Variants in BICC1 observed in about 807,000 individuals in gnomAD.
BICC1 encodes BicC family RNA binding protein 1, also known as protein bicaudal C homolog 1.
In BICC1, 43 loss-of-function variants were observed where a neutral mutation model predicts 111.0. The ratio of observed to expected loss-of-function variants is 0.39; its 90% CI spans 0.30 to 0.50. The LOEUF is 0.50. BICC1 is among the 20% of genes least tolerant of loss of function. BICC1 has a pLI of 0.88. For synonymous variants in BICC1, 467 were observed against 434.4 expected (o/e 1.07, Z -0.93); for missense variants, 1,091 against 1,203.2 (o/e 0.91, Z 1.38).
At chr10:58,567,731 A>G (rs1050659974) in intron 1 of BICC1, among the ~76,000 whole-genome samples, 11 of 152,070 alleles carry the variant, frequency 7.2e-5, no homozygotes, top group Non-Finnish European at 1.5e-4. Context: ...TTAAATACTT[A>G]TAGTTAATAG....
chr10:58,539,214 G>T (rs1348190556), intron 1 of BICC1, among the ~76,000 whole-genome samples: 1 of 151,746 alleles, frequency 6.6e-6, no homozygotes, highest in Non-Finnish European at 1.5e-5. Flanking sequence ...CCATAAAAAA[G>T]AATGAAATAA....
chr10:58,576,304 AATG>A (rs1844110143), intron 1 of BICC1, among the ~76,000 whole-genome samples: 2 of 152,218 alleles, frequency 1.3e-5, no homozygotes. Context: ...TAGTGAGAAA[AATG>A]ATAATTACTA....
chr10:58,584,717 G>A (rs895093012), intron 1 of BICC1, among the ~76,000 whole-genome samples: 3 of 151,636 alleles, frequency 2.0e-5, no homozygotes, highest in South Asian at 2.1e-4. Flanking sequence ...CAAAGACATG[G>A]GACTTTTAAT....
intron 9 of BICC1, among the ~76,000 whole-genome samples, chr10:58,794,053 AT>A (rs1843268387): frequency 6.6e-6 from 1 of 152,226 alleles, no homozygotes; most frequent in Admixed American, 6.5e-5. Context: ...TAGAGTAACC[AT>A]TATTTTTCCA....
At chr10:58,527,944 A>G (rs777534768) in intron 1 of BICC1, among the ~76,000 whole-genome samples, 2 of 151,920 alleles carry the variant, frequency 1.3e-5, no homozygotes, top group African/African-American at 2.4e-5. Context: ...CAGAATAATA[A>G]TATGTCTCAT....
intron 9 of BICC1, among the ~76,000 whole-genome samples, chr10:58,795,183 T>C (rs1311296402): frequency 6.6e-6 from 1 of 152,158 alleles, no homozygotes; most frequent in Non-Finnish European, 1.5e-5. Context: ...AAATCTTATA[T>C]GCATAGAATG....
At chr10:58,791,753 A>G (rs1425779790) in intron 8 of BICC1, among the ~76,000 whole-genome samples, 2 of 152,082 alleles carry the variant, frequency 1.3e-5, no homozygotes, top group East Asian at 1.9e-4. Context: ...AAAAAAATCA[A>G]TTTCTTCCAC....
chr10:58,749,505 G>A (rs576314124), intron 3 of BICC1, among the ~76,000 whole-genome samples: 1 of 152,152 alleles, frequency 6.6e-6, no homozygotes, highest in East Asian at 1.9e-4. Context: ...ATAAATAAAA[G>A]TTATCCACAT....
At chr10:58,703,667 G>C (rs1455905493) in intron 3 of BICC1, among the ~76,000 whole-genome samples, 1 of 152,188 alleles carries the variant, frequency 6.6e-6, no homozygotes, top group Non-Finnish European at 1.5e-5. Flanking sequence ...TTATGCAGAA[G>C]AAGAAACTGC....
chr10:58,616,587 C>CACCAACAT (rs1185923303), intron 1 of BICC1, among the ~76,000 whole-genome samples: 3 of 152,244 alleles, frequency 2.0e-5, no homozygotes, highest in Admixed American at 1.3e-4. Flanking sequence ...GTTGACAGTC[C>CACCAACAT]ATTGTTACCC....
chr10:58,582,814 G>A (rs1237042036), intron 1 of BICC1, among the ~76,000 whole-genome samples: 1 of 152,136 alleles, frequency 6.6e-6, no homozygotes, highest in Non-Finnish European at 1.5e-5. Flanking sequence ...TGATTCTTCT[G>A]CCTTTCTCTT....
chr10:58,702,356 A>G (rs1016421295), intron 3 of BICC1, among the ~76,000 whole-genome samples: 1 of 152,236 alleles, frequency 6.6e-6, no homozygotes, highest in Admixed American at 6.5e-5. Context: ...TATGATAGAA[A>G]TGTAATTATG....
intron 2 of BICC1, among the ~76,000 whole-genome samples, chr10:58,690,468 AGCCTCTTGTTGACC>A (rs1426930914): frequency 2.6e-5 from 4 of 152,198 alleles, no homozygotes; most frequent in Non-Finnish European, 5.9e-5. Context: ...TGTGGAGCTG[AGCCTCTTGTTGACC>A]CTTGTAGGCC....
chr10:58,687,807 C>T (rs192810729), intron 2 of BICC1, among the ~76,000 whole-genome samples: 17 of 152,310 alleles, frequency 1.1e-4, no homozygotes, highest in African/African-American at 3.8e-4. Flanking sequence ...TTCCCTGATC[C>T]TTTGTGCTTC....
intron 3 of BICC1, among the ~76,000 whole-genome samples, chr10:58,718,685 T>C (rs980700566): frequency 3.9e-5 from 6 of 152,186 alleles, no homozygotes; most frequent in East Asian, 3.9e-4. Flanking sequence ...ATTAAGGCCA[T>C]TGGATTTCCA....
At chr10:58,526,632 A>G (rs1842550469) in intron 1 of BICC1, among the ~76,000 whole-genome samples, 1 of 152,088 alleles carries the variant, frequency 6.6e-6, no homozygotes, top group Admixed American at 6.6e-5. Context: ...CCTGTGTCCA[A>G]GTGTTCTCAT....
chr10:58,612,777 T>G (rs141648910), intron 1 of BICC1, among the ~76,000 whole-genome samples: 1,550 of 152,334 alleles, frequency 0.01, 21 homozygotes, highest in African/African-American at 0.036. Context: ...GTTATAAATA[T>G]GAAGAACATA....
At chr10:58,604,069 C>G (rs1425217253) in intron 1 of BICC1, among the ~76,000 whole-genome samples, 1 of 152,030 alleles carries the variant, frequency 6.6e-6, no homozygotes, top group Non-Finnish European at 1.5e-5. Flanking sequence ...TTTGTTTGGC[C>G]TTTCTTTGCT....
intron 3 of BICC1, among the ~76,000 whole-genome samples, chr10:58,719,941 CT>C (rs1223610517): frequency 6.6e-6 from 1 of 152,178 alleles, no homozygotes; most frequent in African/African-American, 2.4e-5. Context: ...AAGCCTACTT[CT>C]TGAGTATGTC....
Sources: gnomAD v4.1 joint callset for allele counts (sites outside exome capture counted in the v4.1 genomes callset) on GRCh38, gnomAD v4.1.1 for gene constraint, MANE v1.5 for transcripts, NCBI Gene and HGNC (gene_info 2026-07-23, HGNC 2026-07-21) for gene names.